Variants in ZNF704 observed in about 807,000 individuals in gnomAD.
ZNF704 encodes the protein zinc finger protein 704, also known as glucocorticoid induced gene 1.
In ZNF704, 10 loss-of-function variants were observed where a neutral mutation model predicts 44.7. The observed-to-expected ratio is 0.22, with a 90% CI of 0.14 to 0.38. The LOEUF (loss-of-function observed/expected upper bound fraction) is 0.38, where lower values mean the gene tolerates loss of function less well. Among genes scored for constraint, ZNF704 ranks in the 10% least tolerant of loss-of-function variants. ZNF704 has a pLI of 1.00. For missense variants in ZNF704, 390 were observed against 545.5 expected, an observed-to-expected ratio of 0.71 and a Z score of 2.84; for synonymous variants, 211 against 207.6, an observed-to-expected ratio of 1.02 and a Z score of -0.14.
rs1585939102 is a variant in ZNF704, at chr8:80,670,620, G to A, written c.559-17C>T. 1 of 1,526,716 alleles carries A rather than the reference G, an allele frequency of 6.6e-7. No homozygotes were observed. Among genetic ancestry groups the A allele is most frequent in the African/African-American group, 1.4e-5 (1 of 73,324 alleles). 94.6% of individuals were successfully genotyped at this position (1,526,716 alleles called of 1,614,324 possible). On this transcript the variant is annotated splice_polypyrimidine_tract_variant and intron_variant, in intron 4 of 8. Coordinates refer to ENST00000327835, the MANE Select transcript of ZNF704 (RefSeq NM_001033723.3). ...CATGGAATTCTGTAAAGGGGAGAGA[G>A]TGATATTAGAATGGAAACTATTTTC...
intron 2 of ZNF704, among the ~76,000 whole-genome samples, chr8:80,820,566 C>T (rs1022667866): frequency 5.3e-5 from 8 of 151,858 alleles, no homozygotes; most frequent in African/African-American, 9.7e-5. Flanking sequence ...TTACAGACCA[C>T]CTGTGCTCTG....
chr8:80,858,408 C>T (rs1808999725), intron 1 of ZNF704, among the ~76,000 whole-genome samples: 1 of 152,306 alleles, frequency 6.6e-6, no homozygotes. Flanking sequence ...TCACTTGTGA[C>T]TTCTTCTTTA....
At chr8:80,666,161 G>C (rs976280408) in intron 5 of ZNF704, among the ~76,000 whole-genome samples, 1 of 131,426 alleles carries the variant, frequency 7.6e-6, no homozygotes, top group African/African-American at 2.9e-5. Context: ...TCCCCTTCCT[G>C]TGTCCATGTG....
At chr8:80,677,365 T>G (rs1488263615) in intron 4 of ZNF704, among the ~76,000 whole-genome samples, 2 of 152,222 alleles carry the variant, frequency 1.3e-5, no homozygotes, top group Non-Finnish European at 1.5e-5. Context: ...TGGTCCTGAT[T>G]ACAGAAAAAT....
chr8:80,832,214 A>AT (rs932615288), intron 1 of ZNF704, among the ~76,000 whole-genome samples: 53 of 149,752 alleles, frequency 3.5e-4, no homozygotes, highest in Admixed American at 1.0e-3. Flanking sequence ...GGAAATTGCC[A>AT]TTTTTTTTTT....
intron 1 of ZNF704, among the ~76,000 whole-genome samples, chr8:80,845,590 T>C (rs909332424): frequency 6.6e-6 from 1 of 152,196 alleles, no homozygotes; most frequent in Non-Finnish European, 1.5e-5. Context: ...GTCTTAAAGA[T>C]TGTGGACTTT....
chr8:80,726,505 A>G (rs1330672786), intron 2 of ZNF704, among the ~76,000 whole-genome samples: 1 of 152,198 alleles, frequency 6.6e-6, no homozygotes, highest in Admixed American at 6.5e-5. Flanking sequence ...AGTTAAAAAT[A>G]ACATCCTTTT....
chr8:80,650,273 C>T (rs189535981), intron 7 of ZNF704, among the ~76,000 whole-genome samples: 13 of 152,280 alleles, frequency 8.5e-5, no homozygotes, highest in South Asian at 2.1e-4. Flanking sequence ...TCCAAAGGAA[C>T]GCAGCGCAGC....
intron 1 of ZNF704, among the ~76,000 whole-genome samples, chr8:80,862,208 C>T (rs1220093058): frequency 1.3e-5 from 2 of 151,800 alleles, no homozygotes; most frequent in African/African-American, 4.8e-5. Flanking sequence ...AACATCAAAC[C>T]ATTAACTTGT....
chr8:80,779,845 C>A (rs1452575257), intron 2 of ZNF704, among the ~76,000 whole-genome samples: 1 of 151,092 alleles, frequency 6.6e-6, no homozygotes, highest in Non-Finnish European at 1.5e-5. Flanking sequence ...AATTACTTTT[C>A]TTAATTTCCT....
chr8:80,753,882 C>A (rs1210580835), intron 2 of ZNF704, among the ~76,000 whole-genome samples: 2 of 152,138 alleles, frequency 1.3e-5, no homozygotes, highest in African/African-American at 4.8e-5. Flanking sequence ...AAAGGCAGAC[C>A]CCATGAGAGA....
At chr8:80,785,557 A>G (rs1807600658) in intron 2 of ZNF704, among the ~76,000 whole-genome samples, 1 of 152,104 alleles carries the variant, frequency 6.6e-6, no homozygotes, top group South Asian at 2.1e-4. Context: ...ATACGGACTC[A>G]TGGGCATTTA....
At position 80,656,027 on chromosome 8, in the gene ZNF704, T is replaced by G. The variant is rs538122973; in HGVS notation, c.1032+3558A>C. Among the ~76,000 whole-genome samples, 3 of 152,292 alleles carry G rather than the reference T, an allele frequency of 2.0e-5. No individual in the cohort carries two copies. In the South Asian group the frequency reaches 6.2e-4, roughly 32 times the overall value. On this transcript the variant is annotated intron_variant, in intron 7 of 8. Transcript: ENST00000327835. ...GCTCTAATCCCCAGTGTGGTTGTAT[T>G]TGGACATAGGGCCTTTAAGGAGGTC...
At chr8:80,686,519 C>CTA (rs1554572755) in intron 4 of ZNF704, among the ~76,000 whole-genome samples, 15 of 152,042 alleles carry the variant, frequency 9.9e-5, no homozygotes, top group Non-Finnish European at 2.2e-4. Context: ...GTAGATGAGA[C>CTA]TACAGGTGCA....
chr8:80,731,787 A>AC (rs936797112), intron 2 of ZNF704, among the ~76,000 whole-genome samples: 2 of 151,310 alleles, frequency 1.3e-5, no homozygotes, highest in Admixed American at 6.6e-5. Flanking sequence ...AAACCAGAAA[A>AC]CCCCCCAAAC....
intron 2 of ZNF704, among the ~76,000 whole-genome samples, chr8:80,774,134 C>A (rs527772278): frequency 6.6e-6 from 1 of 151,910 alleles, no homozygotes; most frequent in South Asian, 2.1e-4. Flanking sequence ...TAGCTGACTG[C>A]AGCCTCGATC....
chr8:80,858,769 AAATTTTT>A (rs1809010368), intron 1 of ZNF704, among the ~76,000 whole-genome samples: 1 of 152,196 alleles, frequency 6.6e-6, no homozygotes, highest in African/African-American at 2.4e-5. Context: ...TTTTCTAGTT[AAATTTTT>A]ATTATTGATT....
intron 2 of ZNF704, among the ~76,000 whole-genome samples, chr8:80,751,138 T>C (rs904743404): frequency 6.6e-6 from 1 of 152,186 alleles, no homozygotes; most frequent in African/African-American, 2.4e-5. Flanking sequence ...ACATATTTAT[T>C]AGAAAAGAGG....
intron 2 of ZNF704, among the ~76,000 whole-genome samples, chr8:80,698,411 G>T (rs1271122414): frequency 1.3e-5 from 2 of 152,130 alleles, no homozygotes; most frequent in African/African-American, 4.8e-5. Flanking sequence ...CCTTTAAAAA[G>T]GAAAGGGAAG....
Sources: allele counts gnomAD v4.1 joint callset (sites outside exome capture counted in the v4.1 genomes callset), GRCh38; gene constraint gnomAD v4.1.1; transcripts MANE v1.5; gene names NCBI Gene and HGNC (gene_info 2026-07-23, HGNC 2026-07-21).